The following SCAND1 variants were observed in gnomAD, a reference collection of about 807,000 sequenced individuals.
The protein encoded by SCAND1 is SCAN domain-containing protein 1.
SCAND1 carries 3 observed loss-of-function variants against 3.4 expected under a neutral mutation model. The observed-to-expected ratio is 0.87, with a 90% CI of 0.40 to 2.25. The LOEUF is 2.25. SCAND1 is among the 30% of genes most tolerant of loss of function. SCAND1 has a pLI of 0.05. For synonymous variants in SCAND1, 152 were observed against 120.5 expected (o/e 1.26, Z -1.72); for missense variants, 303 against 258.8 (o/e 1.17, Z -1.17).
At position 35,953,680 on chromosome 20, in the gene SCAND1, C is replaced by T. The variant is rs1425136983; in HGVS notation, c.*65G>A. ...GGGGTGGGGTCCCAGGCTCAGGCCC[C>T]CGGGCCCGATCATGGCCCCAGTCCG... On this transcript the variant is annotated 3_prime_UTR_variant, in exon 2 of 2. Coordinates refer to ENST00000305978, the MANE Select transcript of SCAND1 (RefSeq NM_033630.3). 2 of 1,128,690 alleles carry T rather than the reference C, an allele frequency of 1.8e-6. No individual in the cohort carries two copies. The highest frequency in any genetic ancestry group is 1.2e-6 in the Non-Finnish European group (1 of 851,566). The allele number at this position is 1,128,690 out of a possible 1,614,324, so 69.9% of individuals were successfully genotyped here.
chr20:35,956,972 G>C (rs903302604), upstream of SCAND1, among the ~76,000 whole-genome samples: 4 of 152,146 alleles, frequency 2.6e-5, no homozygotes, highest in Non-Finnish European at 5.9e-5. Context: ...CACTGGTGGG[G>C]GTTAAATCAT....
Position 35,954,420 on chromosome 20 carries a change from G to A in SCAND1, c.-56+28C>T, listed in dbSNP as rs549781220. 497 of 1,551,588 alleles carry A rather than the reference G, an allele frequency of 3.2e-4. 1 individual carries two copies. The highest frequency in any genetic ancestry group is 1.4e-3 in the Admixed American group (73 of 51,126). ...GTCACCCTTGAGGGAGTCGGACTCGGGACCGGCCGAGAGTGTGCGGAGCTT... is the reference window on the plus strand; with the variant it reads ...GTCACCCTTGAGGGAGTCGGACTCGAGACCGGCCGAGAGTGTGCGGAGCTT... On this transcript the variant is annotated intron_variant, in intron 1 of 1. Coordinates refer to ENST00000305978, the MANE Select transcript of SCAND1 (RefSeq NM_033630.3).
chr20:35,955,334 AT>A (rs557686461), upstream of SCAND1: 54 of 152,366 alleles, frequency 3.5e-4, 1 homozygote, highest in Admixed American at 3.0e-3. Flanking sequence ...AATGTTTTGC[AT>A]ATATTGGGTC....
At chr20:35,956,292 T>C (rs2056256096), upstream of SCAND1, among the ~76,000 whole-genome samples, 1 of 152,238 alleles carries the variant, frequency 6.6e-6, no homozygotes. Flanking sequence ...GGGCCTTTAA[T>C]GTTTTTTAGT....
chr20:35,958,052 T>C (rs1004998559), upstream of SCAND1, among the ~76,000 whole-genome samples: 1 of 152,222 alleles, frequency 6.6e-6, no homozygotes, highest in African/African-American at 2.4e-5. Flanking sequence ...TTGATGGCAC[T>C]TGGTTGTTGA....
upstream of SCAND1, among the ~76,000 whole-genome samples, chr20:35,957,440 T>C (rs950454404): frequency 6.6e-6 from 1 of 151,980 alleles, no homozygotes; most frequent in African/African-American, 2.4e-5. Flanking sequence ...TACAAAAAAT[T>C]AGCTGGGCTC....
chr20:35,954,298 G>A lies in SCAND1; in HGVS notation c.-14C>T, dbSNP rs920087991. On this transcript the variant is annotated 5_prime_UTR_variant, in exon 2 of 2. Transcript: ENST00000305978. ...CGTAGCCGCCATAACTCCAGCTCCG[G>A]GCGTCACTCTTTGTCCGGTAGCTGT... 6.2e-7 allele frequency: 1 copy of A among 1,613,560 alleles called. No homozygotes were observed. The highest frequency in any genetic ancestry group is 8.5e-7 in the Non-Finnish European group (1 of 1,179,918).
upstream of SCAND1, chr20:35,954,534 G>A: frequency 6.6e-7 from 1 of 1,514,820 alleles, no homozygotes; most frequent in Non-Finnish European, 8.9e-7. Flanking sequence ...CCCGGAAGCC[G>A]CTTGCGGGCT....
At chr20:35,955,184 TCTTGC>T (rs1177747104), upstream of SCAND1, 6 of 163,516 alleles carry the variant, frequency 3.7e-5, no homozygotes, top group African/African-American at 1.4e-4. Context: ...TTGACTCAGC[TCTTGC>T]AACGTAGCTA....
rs1184291076 is a variant in SCAND1, at chr20:35,953,974, G to A, written c.311C>T (p.Pro104Leu). 5.1e-6 allele frequency: 8 copies of A among 1,561,084 alleles called. No individual in the cohort carries two copies. The highest frequency in any genetic ancestry group is 1.4e-5 in the African/African-American group (1 of 73,558). Residue 104 changes from proline to leucine, a missense_variant, in exon 2 of 2, where the codon CCC (proline) becomes CTC (leucine). Transcript: ENST00000305978. ...TPGPAGSRLG[P>L]ETFRQRFRQF... ...CCGGAAACGCTGGCGGAACGTCTCG[G>A]GACCGAGTCTAGAGCCGGCGGGGCC...
At chr20:35,957,818 A>C (rs201696532), upstream of SCAND1, 1 of 152,226 alleles carries the variant, frequency 6.6e-6, no homozygotes, top group East Asian at 1.9e-4. Flanking sequence ...CTTTTAGTCC[A>C]AACTCTTATC....
chr20:35,954,430 A>G lies in SCAND1; in HGVS notation c.-56+18T>C, dbSNP rs1243859973. On this transcript the variant is annotated intron_variant, in intron 1 of 1. Transcript: ENST00000305978. ...AGGGAGTCGGACTCGGGACCGGCCG[A>G]GAGTGTGCGGAGCTTACCTGCACCA... The G allele has an allele frequency of 1.3e-6, 2 of 1,550,220 alleles. No individual in the cohort carries two copies.
chr20:35,955,628 T>C (rs1394871797), upstream of SCAND1, among the ~76,000 whole-genome samples: 2 of 152,162 alleles, frequency 1.3e-5, no homozygotes, highest in Non-Finnish European at 1.5e-5. Flanking sequence ...TGTTTTCTTA[T>C]CAGTAAAATG....
intron 1 of SCAND1, 52 bp downstream of exon 1, chr20:35,954,396 T>A (rs1406893646): frequency 2.2e-5 from 35 of 1,560,734 alleles, no homozygotes; most frequent in Non-Finnish European, 3.0e-5. Context: ...AGAGCTCGCG[T>A]CACCCTTGAG....
chr20:35,953,979 G>A lies in SCAND1; in HGVS notation c.306C>T (p.Leu102=), dbSNP rs1390235149. ...RSTPGPAGSR[L]GPETFRQRFR... ...AACGCTGGCGGAACGTCTCGGGACC[G>A]AGTCTAGAGCCGGCGGGGCCTGGTG... is the stretch of plus-strand genomic sequence containing the variant. The change falls in exon 2 of 2, where the codon CTC becomes CTT. Residue 102 remains leucine (L), a synonymous_variant. Transcript: ENST00000305978. The A allele has an allele frequency of 1.3e-6, 2 of 1,558,004 alleles. No individual in the cohort carries two copies. The highest frequency in any genetic ancestry group is 2.4e-5 in the East Asian group (1 of 41,480).
rs1470430358 is a variant in SCAND1 at position 35,954,245 on chromosome 20, G to T, written c.40C>A (p.Pro14Thr). 1.9e-6 allele frequency: 3 copies of T among 1,612,888 alleles called. No homozygotes were observed. The highest frequency in any genetic ancestry group is 1.1e-5 in the South Asian group (1 of 91,082). ...TEPILAATGS[P>T]AAVPPEKLEG... ...AGTTTCTCCGGTGGCACCGCCGCGG[G>T]ACTCCCAGTGGCCGCCAAGATCGGC... Residue 14 changes from proline (P) to threonine (T), a missense_variant, in exon 2 of 2, where the codon CCC (proline) becomes ACC (threonine). Coordinates refer to ENST00000305978, the MANE Select transcript of SCAND1 (RefSeq NM_033630.3).
At chr20:35,957,922 G>A (rs1385645792), upstream of SCAND1, 1 of 152,160 alleles carries the variant, frequency 6.6e-6, no homozygotes, top group Non-Finnish European at 1.5e-5. Context: ...CACAAGGCCT[G>A]ACTCCTAGGT....
At chr20:35,957,339 C>G (rs1255429623), upstream of SCAND1, among the ~76,000 whole-genome samples, 1 of 152,192 alleles carries the variant, frequency 6.6e-6, no homozygotes, top group Non-Finnish European at 1.5e-5. Context: ...GTAATCCCAG[C>G]ACTTTGGGAG....
At chr20:35,954,361 A>T (rs751396367) in intron 1 of SCAND1, 22 bp from the exon 2 acceptor site, 4 of 1,598,056 alleles carry the variant, frequency 2.5e-6, no homozygotes, top group Non-Finnish European at 3.4e-6. Flanking sequence ...TGGGGTGAGC[A>T]GGGAGACGTT....
Sources: allele counts gnomAD v4.1 joint callset (sites outside exome capture counted in the v4.1 genomes callset), GRCh38; gene constraint gnomAD v4.1.1; transcripts MANE v1.5; gene names NCBI Gene and HGNC (gene_info 2026-07-23, HGNC 2026-07-21).